Variants in DPP6 observed in about 807,000 individuals in gnomAD.
DPP6 encodes A-type potassium channel modulatory protein DPP6.
A neutral mutation model predicts 122.6 loss-of-function variants in DPP6; 69 were observed. That is an observed-to-expected ratio of 0.56 (90% CI 0.46 to 0.69). The LOEUF is 0.69. Among genes scored for constraint, DPP6 ranks in the 30% least tolerant of loss-of-function variants. DPP6 has a pLI of 0.00. For synonymous variants in DPP6, 418 were observed against 433.1 expected, an observed-to-expected ratio of 0.97 and a Z score of 0.43; for missense variants, 928 against 1,116.9, an observed-to-expected ratio of 0.83 and a Z score of 2.41.
chr7:153,944,821 G>A (rs1801872299), intron 1 of DPP6, among the ~76,000 whole-genome samples: 1 of 151,958 alleles, frequency 6.6e-6, no homozygotes, highest in Non-Finnish European at 1.5e-5. Context: ...AGTAGAGATG[G>A]GGTTTCACCA....
intron 16 of DPP6, among the ~76,000 whole-genome samples, chr7:154,830,309 A>G (rs1800532412): frequency 6.6e-6 from 1 of 152,148 alleles, no homozygotes; most frequent in African/African-American, 2.4e-5. Context: ...AATTGCCACA[A>G]GTTCCAGGAA....
intron 1 of DPP6, among the ~76,000 whole-genome samples, chr7:153,965,441 C>A (rs1266782361): frequency 1.3e-5 from 2 of 152,156 alleles, no homozygotes; most frequent in Non-Finnish European, 2.9e-5. Flanking sequence ...CCTACACAGA[C>A]AAGGGTGTAA....
At position 154,794,220 on chromosome 7, in the gene DPP6, G is replaced by A. The variant is rs1368502478; in HGVS notation, c.1260+18G>A. On this transcript the variant is annotated intron_variant, in intron 11 of 25. Coordinates refer to ENST00000377770, the MANE Select transcript of DPP6 (RefSeq NM_130797.4). The stretch of plus-strand genomic sequence containing the variant: ...GCACGAAGGTACGCGGGGCTGTGGG[G>A]GTGGAGGGGAGACGGGTGAAGAACC... 2 of 1,593,822 alleles carry A rather than the reference G, an allele frequency of 1.3e-6. No individual in the cohort carries two copies. The highest frequency in any genetic ancestry group is 1.3e-5 in the African/African-American group (1 of 74,524).
intron 5 of DPP6, among the ~76,000 whole-genome samples, chr7:154,573,708 C>T (rs1465785395): frequency 6.6e-6 from 1 of 152,240 alleles, no homozygotes; most frequent in African/African-American, 2.4e-5. Context: ...ATGGTCATCA[C>T]TGATTTTTGA....
chr7:153,848,521 A>G, the DPP6 span, among the ~76,000 whole-genome samples: 1 of 152,142 alleles, frequency 6.6e-6, no homozygotes, highest in East Asian at 1.9e-4. Flanking sequence ...CCTACAGAAC[A>G]CTATTGGGAA....
chr7:154,441,543 A>C (rs905399826), intron 1 of DPP6, among the ~76,000 whole-genome samples: 2 of 152,150 alleles, frequency 1.3e-5, no homozygotes, highest in Admixed American at 1.3e-4. Flanking sequence ...TCTCCTCTTC[A>C]TAAGGCACAA....
intron 1 of DPP6, among the ~76,000 whole-genome samples, chr7:153,895,590 C>T (rs898770831): frequency 2.0e-5 from 3 of 150,166 alleles, no homozygotes; most frequent in African/African-American, 4.9e-5. Context: ...CCACTGTATA[C>T]GGGGAAAACA....
At chr7:154,497,749 C>A (rs1824876988) in intron 3 of DPP6, among the ~76,000 whole-genome samples, 1 of 152,050 alleles carries the variant, frequency 6.6e-6, no homozygotes, top group Non-Finnish European at 1.5e-5. Context: ...AATTGGCATG[C>A]ATTTCCTGAA....
chr7:154,571,436 T>G (rs1189172145), intron 5 of DPP6, among the ~76,000 whole-genome samples: 2 of 152,206 alleles, frequency 1.3e-5, no homozygotes, highest in African/African-American at 4.8e-5. Flanking sequence ...ATCTTAACTA[T>G]GCCAACCCTA....
chr7:153,929,271 C>A (rs1264489855), intron 1 of DPP6, among the ~76,000 whole-genome samples: 1 of 152,068 alleles, frequency 6.6e-6, no homozygotes, highest in African/African-American at 2.4e-5. Flanking sequence ...AAACAGCATT[C>A]CAGGTCAGAT....
intron 1 of DPP6, among the ~76,000 whole-genome samples, chr7:154,397,386 T>G (rs1423396685): frequency 6.6e-6 from 1 of 152,134 alleles, no homozygotes; most frequent in Non-Finnish European, 1.5e-5. Context: ...GAATCACATT[T>G]TAGTTTTAAT....
chr7:154,702,216 A>G (rs1400766328), intron 7 of DPP6, among the ~76,000 whole-genome samples: 2 of 152,114 alleles, frequency 1.3e-5, no homozygotes, highest in Admixed American at 1.3e-4. Flanking sequence ...CATTTCCCTC[A>G]CCTCCTCTTG....
chr7:153,810,671 CCTCTCTCTCTCTCTCT>C, the DPP6 span, among the ~76,000 whole-genome samples: 18 of 124,630 alleles, frequency 1.4e-4, no homozygotes, highest in African/African-American at 4.0e-4. Flanking sequence ...CTCTCTCTCT[CCTCTCTCTCTCTCTCT>C]CTCTCTCTCT....
At chr7:153,821,958 G>T in the DPP6 span, among the ~76,000 whole-genome samples, 90 of 152,182 alleles carry the variant, frequency 5.9e-4, no homozygotes, top group Admixed American at 2.0e-3. Context: ...GACCTACAGC[G>T]CAAGCCTCTC....
chr7:154,820,797 C>T (rs1362735521), intron 16 of DPP6, among the ~76,000 whole-genome samples: 1 of 152,098 alleles, frequency 6.6e-6, no homozygotes, highest in Non-Finnish European at 1.5e-5. Context: ...AAAAAACTTT[C>T]CCCATGCTTT....
At chr7:154,233,532 G>T (rs995787444) in intron 1 of DPP6, among the ~76,000 whole-genome samples, 4 of 152,286 alleles carry the variant, frequency 2.6e-5, no homozygotes, top group South Asian at 4.1e-4. Context: ...TAATATGACT[G>T]GTGTCCTTAT....
intron 5 of DPP6, among the ~76,000 whole-genome samples, chr7:154,636,011 ATCTCT>A (rs1438301604): frequency 6.6e-6 from 1 of 152,138 alleles, no homozygotes; most frequent in Non-Finnish European, 1.5e-5. Flanking sequence ...ATTAGGTTCC[ATCTCT>A]TCTCTTCTCT....
intron 7 of DPP6, among the ~76,000 whole-genome samples, chr7:154,699,131 C>T (rs1042202869): frequency 6.6e-6 from 1 of 152,196 alleles, no homozygotes; most frequent in African/African-American, 2.4e-5. Flanking sequence ...TGAAACTGAT[C>T]TCATCTGCTC....
At chr7:154,297,785 TG>T (rs1319477354) in intron 1 of DPP6, among the ~76,000 whole-genome samples, 1 of 152,152 alleles carries the variant, frequency 6.6e-6, no homozygotes, top group African/African-American at 2.4e-5. Flanking sequence ...TTTGGTCTCA[TG>T]GTTCCAGATT....
Sources: allele counts gnomAD v4.1 joint callset (sites outside exome capture counted in the v4.1 genomes callset), GRCh38; gene constraint gnomAD v4.1.1; transcripts MANE v1.5; gene names NCBI Gene and HGNC (gene_info 2026-07-23, HGNC 2026-07-21).